ZFAT: variants seen among roughly 807,000 people sequenced by gnomAD.
The protein encoded by ZFAT is zinc finger protein ZFAT.
In ZFAT, 64 loss-of-function variants were observed where a neutral mutation model predicts 117.7. That is an observed-to-expected ratio of 0.54 (90% CI 0.44 to 0.67). ZFAT has a LOEUF of 0.67. Among genes scored for constraint, ZFAT ranks in the 30% least tolerant of loss-of-function variants. The probability of loss-of-function intolerance (pLI) is 0.00; values close to 1 mark genes in which losing one functional copy is unlikely to be tolerated. For missense variants in ZFAT, 1,433 were observed against 1,584.5 expected, an observed-to-expected ratio of 0.90 and a Z score of 1.62; for synonymous variants, 679 against 615.0, an observed-to-expected ratio of 1.10 and a Z score of -1.54.
At chr8:134,819,510 C>G in the ZFAT span, among the ~76,000 whole-genome samples, 1 of 114,110 alleles carries the variant, frequency 8.8e-6, no homozygotes, top group Admixed American at 9.7e-5. Context: ...CCCCCCCCCG[C>G]CCCCCAACAC....
intron 1 of ZFAT, among the ~76,000 whole-genome samples, chr8:134,678,208 G>A (rs944626341): frequency 2.0e-5 from 3 of 152,160 alleles, no homozygotes; most frequent in Non-Finnish European, 2.9e-5. Flanking sequence ...CATTGTCTCA[G>A]CCCAAAATCT....
the ZFAT span, among the ~76,000 whole-genome samples, chr8:134,755,962 A>G: frequency 6.6e-6 from 1 of 152,174 alleles, no homozygotes; most frequent in Non-Finnish European, 1.5e-5. Context: ...CACCTGGCAC[A>G]TGGTAATTGT....
intron 15 of ZFAT, among the ~76,000 whole-genome samples, chr8:134,503,928 A>ACACACG (rs1382101677): frequency 3.4e-5 from 5 of 148,338 alleles, no homozygotes; most frequent in East Asian, 2.1e-4. Flanking sequence ...ACACACACAC[A>ACACACG]CACACGCACA....
At chr8:134,700,128 G>A (rs1338781041) in intron 1 of ZFAT, among the ~76,000 whole-genome samples, 1 of 152,242 alleles carries the variant, frequency 6.6e-6, no homozygotes, top group African/African-American at 2.4e-5. Flanking sequence ...CCAGTCCAGT[G>A]TGTACCTCAC....
At chr8:134,743,314 C>G in the ZFAT span, among the ~76,000 whole-genome samples, 1 of 152,036 alleles carries the variant, frequency 6.6e-6, no homozygotes, top group Admixed American at 6.6e-5. Context: ...CATGGTGAAA[C>G]CCCGTCTCTA....
At chr8:134,620,729 G>C (rs1416785348) in intron 3 of ZFAT, among the ~76,000 whole-genome samples, 1 of 152,164 alleles carries the variant, frequency 6.6e-6, no homozygotes, top group Non-Finnish European at 1.5e-5. Flanking sequence ...ATGCTGACGG[G>C]GAATTTTGGA....
At chr8:134,749,692 C>A in the ZFAT span, among the ~76,000 whole-genome samples, 1,425 of 152,264 alleles carry the variant, frequency 9.4e-3, 6 homozygotes, top group Middle Eastern at 0.017. Context: ...CTCAATGTTT[C>A]CAATATGAAC....
the ZFAT span, among the ~76,000 whole-genome samples, chr8:134,831,106 T>C: frequency 6.6e-6 from 1 of 152,224 alleles, no homozygotes; most frequent in African/African-American, 2.4e-5. Flanking sequence ...CAAAGCTTAT[T>C]ACAAAAAGAT....
At chr8:134,548,736 T>A (rs1454111945) in intron 11 of ZFAT, among the ~76,000 whole-genome samples, 1 of 152,172 alleles carries the variant, frequency 6.6e-6, no homozygotes, top group East Asian at 1.9e-4. Flanking sequence ...TAACACCTAC[T>A]GACATCCCAG....
intron 2 of ZFAT, among the ~76,000 whole-genome samples, chr8:134,639,002 G>A (rs1830430991): frequency 6.6e-6 from 1 of 152,214 alleles, no homozygotes; most frequent in African/African-American, 2.4e-5. Context: ...ACGTGCATCT[G>A]TAGAATGTCT....
At chr8:134,729,925 T>C in the ZFAT span, among the ~76,000 whole-genome samples, 1 of 152,228 alleles carries the variant, frequency 6.6e-6, no homozygotes, top group African/African-American at 2.4e-5. Flanking sequence ...TATTCAAAGC[T>C]GTGCTCCTAT....
chr8:134,823,422 T>C, the ZFAT span, among the ~76,000 whole-genome samples: 1 of 152,228 alleles, frequency 6.6e-6, no homozygotes, highest in African/African-American at 2.4e-5. Context: ...ATTTTCTGTA[T>C]GTCAGGCATT....
chr8:134,754,693 CCCAGAAGAG>C, the ZFAT span, among the ~76,000 whole-genome samples: 1 of 152,240 alleles, frequency 6.6e-6, no homozygotes, highest in Non-Finnish European at 1.5e-5. Flanking sequence ...CTTCAAAACA[CCCAGAAGAG>C]CCACCTGTCA....
chr8:134,666,516 G>T (rs146729233), intron 1 of ZFAT, among the ~76,000 whole-genome samples: 2 of 152,256 alleles, frequency 1.3e-5, no homozygotes, highest in East Asian at 3.9e-4. Flanking sequence ...GATGGCAAGG[G>T]CTTAAAGTAA....
the ZFAT span, among the ~76,000 whole-genome samples, chr8:134,780,906 T>C: frequency 6.6e-6 from 1 of 152,216 alleles, no homozygotes; most frequent in Non-Finnish European, 1.5e-5. Context: ...AAGTGAGTAA[T>C]GCTTTTTTCC....
At chr8:134,682,236 T>A (rs1196917476) in intron 1 of ZFAT, among the ~76,000 whole-genome samples, 1 of 152,226 alleles carries the variant, frequency 6.6e-6, no homozygotes, top group African/African-American at 2.4e-5. Context: ...TAAGACAGCA[T>A]CTACTTTAGG....
rs1032846031 is a variant in ZFAT at position 134,600,785 on chromosome 8, T to A, written c.2243-117A>T. ...TATCTCCCTCTTGCGCTTGTCCGGG[T>A]CACCCTTCATACTTTTCACCACATT... On this transcript the variant is annotated intron_variant, in intron 6 of 15. Coordinates refer to ENST00000377838, the MANE Select transcript of ZFAT (RefSeq NM_020863.4). 4.8e-6 allele frequency: 4 copies of A among 834,598 alleles called. No homozygotes were observed. The African/African-American group carries it at 6.9e-5, about 14-fold the overall frequency. The allele number at this position is 834,598 out of a possible 1,614,324, so 51.7% of individuals were successfully genotyped here.
intron 15 of ZFAT, among the ~76,000 whole-genome samples, chr8:134,497,091 T>C (rs547524400): frequency 3.3e-5 from 5 of 152,328 alleles, no homozygotes; most frequent in Admixed American, 2.0e-4. Context: ...GGGTAGGTCT[T>C]CTTGAAACAT....
At chr8:134,657,954 C>T (rs1831709730) in intron 1 of ZFAT, among the ~76,000 whole-genome samples, 1 of 152,188 alleles carries the variant, frequency 6.6e-6, no homozygotes, top group South Asian at 2.1e-4. Context: ...TCTCAACCCT[C>T]AGTCCTTCTG....
Sources: allele counts gnomAD v4.1 joint callset (sites outside exome capture counted in the v4.1 genomes callset), GRCh38; gene constraint gnomAD v4.1.1; transcripts MANE v1.5; gene names NCBI Gene and HGNC (gene_info 2026-07-23, HGNC 2026-07-21).